Variants in KIAA1549L observed in about 807,000 individuals in gnomAD.
KIAA1549L encodes the protein UPF0606 protein KIAA1549L.
KIAA1549L carries 88 observed loss-of-function variants against 160.7 expected under a neutral mutation model. The ratio of observed to expected loss-of-function variants is 0.55; its 90% CI spans 0.46 to 0.65. The LOEUF is 0.65. Among genes scored for constraint, KIAA1549L ranks in the 30% least tolerant of loss-of-function variants. The pLI, the probability that KIAA1549L is intolerant of heterozygous loss-of-function variation, is 0.00. For missense variants in KIAA1549L, 2,258 were observed against 2,437.5 expected (o/e 0.93, Z 1.55); for synonymous variants, 950 against 976.7 (o/e 0.97, Z 0.51).
chr11:33,551,570 T>G (rs1475459539), intron 5 of KIAA1549L, among the ~76,000 whole-genome samples: 4 of 137,478 alleles, frequency 2.9e-5, no homozygotes, highest in Non-Finnish European at 1.6e-5. Flanking sequence ...CTAATAATAG[T>G]TGAACATGCA....
rs1403462793 is a variant in KIAA1549L at position 33,457,112 on chromosome 11, C to T, written c.238+80223C>T. ...GGTATGGGGTCCTTTTGAGGGTTTC[C>T]TGAGGTCCCCATAGTGGAAGCTTTT... is the stretch of plus-strand genomic sequence containing the variant. On this transcript the variant is annotated intron_variant, in intron 1 of 20. Transcript: ENST00000658780. Among the ~76,000 whole-genome samples the T allele has an allele frequency of 3.3e-5, 5 of 152,130 alleles. No individual in the cohort carries two copies. The East Asian group carries it at 7.7e-4, about 23-fold the overall frequency.
rs1484761826 is a variant in KIAA1549L at position 33,376,938 on chromosome 11, GCGGC to G, written c.238+50_238+53del. On this transcript the variant is annotated intron_variant, in intron 1 of 20. Coordinates refer to ENST00000658780, the MANE Select transcript of KIAA1549L (RefSeq NM_012194.3). This position sits in a 1 kb window ranked among gnomAD's most constrained non-coding sequence, Gnocchi z 5.8. ...CCGCGGAGGTTTCTGGAGGAGCGGG[GCGGC>G]GGGACGGGACCCACACCTGCCCAGG... 1 of 152,404 alleles carries G rather than the reference GCGGC, an allele frequency of 6.6e-6. No homozygotes were observed. The highest frequency in any genetic ancestry group is 1.5e-5 in the Non-Finnish European group (1 of 68,208). The allele number at this position is 152,404 out of a possible 1,614,324, so 9.4% of individuals were successfully genotyped here. A position where few individuals can be genotyped will look rare whatever the true frequency, so the allele number is the denominator to read the frequency against.
At chr11:33,437,436 G>A (rs1851403283) in intron 1 of KIAA1549L, among the ~76,000 whole-genome samples, 2 of 152,190 alleles carry the variant, frequency 1.3e-5, no homozygotes, top group South Asian at 4.1e-4. Context: ...GCCCTGGACC[G>A]GGAGGTGTCA....
chr11:33,570,006 C>CTTTT lies in KIAA1549L; in HGVS notation c.4230+1791_4230+1794dup, dbSNP rs34297267. Reference sequence around the variant, plus strand: ...GTGTTCTTTCTCTCTCTCTCTCTCTCTTTTTTTTTTTTTTTGAGACGGAGT... The same window carrying CTTTT: ...GTGTTCTTTCTCTCTCTCTCTCTCTCTTTTTTTTTTTTTTTTTTTGAGACGGAGT... On this transcript the variant is annotated intron_variant, in intron 9 of 20. Coordinates refer to ENST00000658780, the MANE Select transcript of KIAA1549L (RefSeq NM_012194.3). Among the ~76,000 whole-genome samples, 925 of 134,542 alleles carry CTTTT rather than the reference C, an allele frequency of 6.9e-3. 12 individuals carry two copies. Among genetic ancestry groups the CTTTT allele is most frequent in the Non-Finnish European group, 0.011 (732 of 64,006 alleles). The allele number at this position is 134,542 out of a possible 152,430, so 88.3% of individuals were successfully genotyped here.
At chr11:33,620,928 G>A (rs866871766) in intron 16 of KIAA1549L, among the ~76,000 whole-genome samples, 5 of 152,194 alleles carry the variant, frequency 3.3e-5, no homozygotes, top group Admixed American at 6.5e-5. Flanking sequence ...TTACCAGAGC[G>A]CTTCTGGCAA....
At chr11:33,442,789 G>A (rs1400044401) in intron 1 of KIAA1549L, among the ~76,000 whole-genome samples, 1 of 151,952 alleles carries the variant, frequency 6.6e-6, no homozygotes, top group Non-Finnish European at 1.5e-5. Flanking sequence ...CTGGAAATCT[G>A]GCTAGACGTG....
chr11:33,559,746 C>T lies in KIAA1549L; in HGVS notation c.3856-3C>T, dbSNP rs1308394441. The T allele has an allele frequency of 1.7e-5, 27 of 1,613,562 alleles. No individual in the cohort carries two copies. Among genetic ancestry groups the T allele is most frequent in the Non-Finnish European group, 1.9e-5 (23 of 1,179,666 alleles). ...CCTCCCCTTTTCTCCTGTGTTGATT[C>T]AGATTGTGAGCACGTCCAATGCCTC... On this transcript the variant is annotated splice_polypyrimidine_tract_variant and splice_region_variant and intron_variant, in intron 6 of 20. Coordinates refer to ENST00000658780, the MANE Select transcript of KIAA1549L (RefSeq NM_012194.3).
chr11:33,648,659 A>C (rs1164125387), intron 17 of KIAA1549L, among the ~76,000 whole-genome samples: 1 of 138,138 alleles, frequency 7.2e-6, no homozygotes, highest in Non-Finnish European at 1.6e-5. Context: ...ACTGCAGTTC[A>C]GGAGACTCTT....
chr11:33,612,662 A>G (rs1043573636), intron 15 of KIAA1549L, among the ~76,000 whole-genome samples: 5 of 151,756 alleles, frequency 3.3e-5, no homozygotes, highest in African/African-American at 1.2e-4. Context: ...TATATCGATA[A>G]ACTTCTGTCA....
At chr11:33,408,807 G>A (rs541006521) in intron 1 of KIAA1549L, among the ~76,000 whole-genome samples, 5 of 147,872 alleles carry the variant, frequency 3.4e-5, no homozygotes, top group African/African-American at 7.4e-5. Context: ...AAAATTAGCC[G>A]GACATAGTGG....
At position 33,543,779 on chromosome 11, in the gene KIAA1549L, C is replaced by T. The variant is rs376512899; in HGVS notation, c.2216C>T (p.Ala739Val). ...ACCACAAGTTGGGAAACTCATTTAG[C>T]TCCAACAGCTCCTCCCAATGGTTTA... ...ISTTSWETHL[A>V]PTAPPNGLTS... Residue 739 changes from alanine to valine, a missense_variant, in exon 2 of 21, where the codon GCT becomes GTT. Ala to Val is a moderately conservative substitution (Grantham distance 64). Coordinates refer to ENST00000658780, the MANE Select transcript of KIAA1549L (RefSeq NM_012194.3). 3.1e-6 allele frequency: 5 copies of T among 1,613,940 alleles called. No individual in the cohort carries two copies. The African/African-American group carries it at 6.7e-5, about 22-fold the overall frequency.
chr11:33,559,912 G>A lies in KIAA1549L; in HGVS notation c.4018+1G>A. ...TATCCGCCGCTAACCATTGCTGAACGTGAGTATGGCCATGCCTATGGGGAC... is the reference window on the plus strand; with the variant it reads ...TATCCGCCGCTAACCATTGCTGAACATGAGTATGGCCATGCCTATGGGGAC... On this transcript the variant is annotated splice_donor_variant, in intron 7 of 20. Transcript: ENST00000658780. LOFTEE classifies it high-confidence loss of function. 2 of 1,613,822 alleles carry A rather than the reference G, an allele frequency of 1.2e-6. No individual in the cohort carries two copies. The highest frequency in any genetic ancestry group is 8.5e-7 in the Non-Finnish European group (1 of 1,179,720).
chr11:33,584,648 T>C (rs34418271), intron 11 of KIAA1549L, among the ~76,000 whole-genome samples: 31,940 of 152,280 alleles, frequency 0.21, 3,743 homozygotes, highest in East Asian at 0.37. Context: ...CACAGCAGCC[T>C]TATGAGGTAG....
At chr11:33,639,486 C>T (rs1362491148) in intron 16 of KIAA1549L, among the ~76,000 whole-genome samples, 2 of 152,110 alleles carry the variant, frequency 1.3e-5, no homozygotes, top group East Asian at 1.9e-4. Flanking sequence ...TGGTAATTCT[C>T]CTTCTAGAAA....
intron 1 of KIAA1549L, among the ~76,000 whole-genome samples, chr11:33,408,973 T>A (rs1190202238): frequency 4.1e-5 from 5 of 123,208 alleles, no homozygotes; most frequent in Non-Finnish European, 7.0e-5. Context: ...AAAAAAAAAT[T>A]AGGTATCCTT....
chr11:33,459,833 C>T (rs1395500998), intron 1 of KIAA1549L, among the ~76,000 whole-genome samples: 1 of 148,778 alleles, frequency 6.7e-6, no homozygotes, highest in Admixed American at 6.7e-5. Flanking sequence ...TAGTGGCGGG[C>T]GCCTGTAGTC....
At chr11:33,640,372 C>T (rs1851551875) in intron 16 of KIAA1549L, among the ~76,000 whole-genome samples, 1 of 152,180 alleles carries the variant, frequency 6.6e-6, no homozygotes, top group Non-Finnish European at 1.5e-5. Context: ...ATTCACATGC[C>T]ACACCTGCTT....
chr11:33,451,340 C>T (rs559263125), intron 1 of KIAA1549L, among the ~76,000 whole-genome samples: 1 of 152,324 alleles, frequency 6.6e-6, no homozygotes, highest in South Asian at 2.1e-4. Flanking sequence ...GATATTGCTT[C>T]AGGAAGGCAT....
chr11:33,638,035 A>T (rs919054073), intron 16 of KIAA1549L, among the ~76,000 whole-genome samples: 1 of 152,168 alleles, frequency 6.6e-6, no homozygotes. Flanking sequence ...AAAACATGGC[A>T]TCTCCTCAGA....
Sources: allele counts gnomAD v4.1 joint callset (sites outside exome capture counted in the v4.1 genomes callset), GRCh38; gene constraint gnomAD v4.1.1; non-coding constraint Gnocchi (gnomAD v3.1); transcripts MANE v1.5; gene names NCBI Gene and HGNC (gene_info 2026-07-23, HGNC 2026-07-21).